The following GPC4 variants were observed in gnomAD, a reference collection of about 807,000 sequenced individuals.
GPC4 encodes glypican 4.
In GPC4, 10 loss-of-function variants were observed where a neutral mutation model predicts 35.0. The observed-to-expected ratio is 0.29, with a 90% confidence interval of 0.18 to 0.48. The LOEUF (loss-of-function observed/expected upper bound fraction) is 0.48, where lower values mean the gene tolerates loss of function less well. Ranked by LOEUF, GPC4 falls within the 20% of genes least tolerant of loss-of-function variation. The probability of loss-of-function intolerance (pLI) is 0.99; values close to 1 mark genes in which losing one functional copy is unlikely to be tolerated. For missense variants in GPC4, 322 were observed against 451.3 expected (o/e 0.71, Z 2.60); for synonymous variants, 167 against 170.2 (o/e 0.98, Z 0.15).
intron 3 of GPC4, among the ~76,000 whole-genome samples, chrX:133,319,674 T>C (rs2068355647): frequency 9.1e-6 from 1 of 109,871 alleles, no homozygotes; most frequent in Non-Finnish European, 1.9e-5. Context: ...TGGGCAGGAG[T>C]TAGCAGAGGT....
chrX:133,371,682 TG>T (rs2068612720), intron 1 of GPC4, among the ~76,000 whole-genome samples: 1 of 112,148 alleles, frequency 8.9e-6, no homozygotes, highest in South Asian at 3.7e-4. Context: ...TTGCTTGAGT[TG>T]ATTTCTCTTT....
intron 2 of GPC4, among the ~76,000 whole-genome samples, chrX:133,328,714 C>T (rs1247895922): frequency 2.7e-5 from 3 of 111,182 alleles, no homozygotes; most frequent in African/African-American, 9.8e-5. Flanking sequence ...AATCATTGCT[C>T]ATAATCATTA....
At chrX:133,379,105 A>C (rs2068649141) in intron 1 of GPC4, among the ~76,000 whole-genome samples, 1 of 112,554 alleles carries the variant, frequency 8.9e-6, no homozygotes, top group Non-Finnish European at 1.9e-5. Context: ...AATCTAAGAA[A>C]ACTGAAAACA....
Position 133,384,494 on chromosome X carries a change from A to G in GPC4, c.160+30312T>C, listed in dbSNP as rs754522786. Among the ~76,000 whole-genome samples, 7 of 111,800 alleles carry G rather than the reference A, an allele frequency of 6.3e-5. No homozygotes were observed. The East Asian group carries it at 2.0e-3, about 32-fold the overall frequency. ...GGTTTGAAAGGTTACGTAAGGATGC[A>G]CAATTACCTGAGTAGGAGTGAGAGC... On this transcript the variant is annotated intron_variant, in intron 1 of 8. Coordinates refer to ENST00000370828, the MANE Select transcript of GPC4 (RefSeq NM_001448.3).
At chrX:133,324,048 G>C (rs1603064124) in intron 3 of GPC4, 97 bp downstream of exon 3, 2 of 962,148 alleles carry the variant, frequency 2.1e-6, no homozygotes, top group Non-Finnish European at 2.8e-6. Flanking sequence ...TGAACCAACA[G>C]AATTTTGGTG....
intron 1 of GPC4, among the ~76,000 whole-genome samples, chrX:133,344,740 A>T (rs1161838790): frequency 8.9e-6 from 1 of 111,743 alleles, no homozygotes; most frequent in Non-Finnish European, 1.9e-5. Flanking sequence ...TTACTCCCCC[A>T]GTGTCCTAAA....
At chrX:133,405,022 G>A (rs1201897683) in intron 1 of GPC4, among the ~76,000 whole-genome samples, 2 of 109,955 alleles carry the variant, frequency 1.8e-5, no homozygotes, top group Non-Finnish European at 3.8e-5. Context: ...GAAACTGGGT[G>A]CTCTAGATAG....
intron 3 of GPC4, among the ~76,000 whole-genome samples, chrX:133,320,624 CAA>C (rs11329655): frequency 1.9e-3 from 72 of 37,744 alleles, no homozygotes; most frequent in Middle Eastern, 0.017. Flanking sequence ...AACTCTGTCT[CAA>C]AAAAAAAAAA....
chrX:133,311,516 G>C, intron 3 of GPC4, 93 bp from the exon 4 acceptor site: 1 of 830,885 alleles, frequency 1.2e-6, no homozygotes, highest in South Asian at 2.1e-5. Context: ...GCTTGGCCAT[G>C]AACTTAAGAA....
chrX:133,366,301 A>G (rs2068589773), intron 1 of GPC4, among the ~76,000 whole-genome samples: 1 of 112,138 alleles, frequency 8.9e-6, no homozygotes, highest in Non-Finnish European at 1.9e-5. Context: ...TATTTCCAAA[A>G]GTCTATGGAT....
At chrX:133,355,551 A>T (rs902832562) in intron 1 of GPC4, among the ~76,000 whole-genome samples, 1 of 112,239 alleles carries the variant, frequency 8.9e-6, no homozygotes, top group Non-Finnish European at 1.9e-5. Context: ...CAGCACTGAC[A>T]CACTTGGTAG....
chrX:133,310,758 T>A (rs182690529), intron 4 of GPC4, among the ~76,000 whole-genome samples: 1 of 112,184 alleles, frequency 8.9e-6, no homozygotes, highest in East Asian at 2.8e-4. Flanking sequence ...TACAACTCCA[T>A]GAGGACTGTA....
At chrX:133,380,301 C>CA (rs2068654835) in intron 1 of GPC4, among the ~76,000 whole-genome samples, 1 of 110,087 alleles carries the variant, frequency 9.1e-6, no homozygotes, top group African/African-American at 3.3e-5. Context: ...CGCATCACTG[C>CA]ACTCCAGCCT....
intron 1 of GPC4, among the ~76,000 whole-genome samples, chrX:133,384,657 G>A (rs775950142): frequency 5.4e-5 from 6 of 111,380 alleles, no homozygotes; most frequent in African/African-American, 2.0e-4. Flanking sequence ...AAGGTCCCAG[G>A]TCGGGCATCA....
intron 1 of GPC4, among the ~76,000 whole-genome samples, chrX:133,375,780 T>C (rs1164138837): frequency 8.9e-6 from 1 of 112,014 alleles, no homozygotes; most frequent in Admixed American, 9.5e-5. Flanking sequence ...TGTGCAACTA[T>C]TTAAAATGAG....
intron 3 of GPC4, among the ~76,000 whole-genome samples, chrX:133,317,783 A>G (rs1231884217): frequency 8.9e-6 from 1 of 111,938 alleles, no homozygotes; most frequent in Non-Finnish European, 1.9e-5. Context: ...TTACGGTAAG[A>G]GTGATAGGGA....
At chrX:133,403,654 G>C (rs1351565584) in intron 1 of GPC4, among the ~76,000 whole-genome samples, 3 of 110,433 alleles carry the variant, frequency 2.7e-5, no homozygotes, top group Non-Finnish European at 5.7e-5. Context: ...TTAGGAACTG[G>C]GGATACATGG....
intron 1 of GPC4, among the ~76,000 whole-genome samples, chrX:133,371,072 C>T (rs1297869045): frequency 8.9e-6 from 1 of 112,273 alleles, no homozygotes; most frequent in Non-Finnish European, 1.9e-5. Context: ...CCCAGACACA[C>T]ACCCGTACAC....
At chrX:133,365,604 C>T (rs769110398) in intron 1 of GPC4, among the ~76,000 whole-genome samples, 6 of 111,807 alleles carry the variant, frequency 5.4e-5, no homozygotes, top group Admixed American at 9.5e-5. Flanking sequence ...GACCCTCCAA[C>T]GAACAGCTCT....
Sources: allele counts gnomAD v4.1 joint callset (sites outside exome capture counted in the v4.1 genomes callset), GRCh38; gene constraint gnomAD v4.1.1; transcripts MANE v1.5; gene names NCBI Gene and HGNC (gene_info 2026-07-23, HGNC 2026-07-21).